The following LRP1B variants were observed in gnomAD, a reference collection of about 807,000 sequenced individuals.
LRP1B encodes LDL receptor related protein 1B.
LRP1B carries 217 observed loss-of-function variants against 556.6 expected under a neutral mutation model. That is an observed-to-expected ratio of 0.39 (90% CI 0.35 to 0.44). The LOEUF (loss-of-function observed/expected upper bound fraction) is 0.44, where lower values mean the gene tolerates loss of function less well. Among genes scored for constraint, LRP1B ranks in the 20% least tolerant of loss-of-function variants. LRP1B has a pLI of 1.00. For synonymous variants in LRP1B, 2,047 were observed against 1,865.8 expected (o/e 1.10, Z -2.50); for missense variants, 5,053 against 5,620.8 (o/e 0.90, Z 3.23).
chr2:140,297,948 G>T lies in LRP1B; in HGVS notation c.12827C>A (p.Ala4276Glu). The T allele has an allele frequency of 6.2e-7, 1 of 1,612,060 alleles. No homozygotes were observed. Among genetic ancestry groups the T allele is most frequent in the Non-Finnish European group, 8.5e-7 (1 of 1,178,414 alleles). Residue 4276 changes from alanine to glutamate, a missense_variant, in exon 84 of 91, where the codon GCA (alanine) becomes GAA (glutamate). This residue lies in a region of LRP1B where 551 missense variants were observed against 592.0 expected (regional missense o/e 0.93). Coordinates refer to ENST00000389484, the MANE Select transcript of LRP1B (RefSeq NM_018557.3). ...ACAGTTTGGCCCAGTGAAACCCAGT[G>T]CACAGCTGCAGGTGGGTCTCCCTAT... ...SVLGRPTCSC[A>E]LGFTGPNCGK...
At chr2:140,291,077 G>A (rs28636459) in intron 84 of LRP1B, among the ~76,000 whole-genome samples, 55,992 of 151,160 alleles carry the variant, frequency 0.37, 11,389 homozygotes, top group African/African-American at 0.53. Flanking sequence ...TCATAGCAAC[G>A]TCTCCGGGAT....
intron 31 of LRP1B, among the ~76,000 whole-genome samples, chr2:140,816,328 G>T (rs1963552): frequency 6.6e-6 from 1 of 151,484 alleles, no homozygotes; most frequent in Non-Finnish European, 1.5e-5. Flanking sequence ...ATGTTGGCCA[G>T]GATGGTCTCG....
chr2:141,717,926 T>C (rs1034420132), intron 2 of LRP1B, among the ~76,000 whole-genome samples: 1 of 151,988 alleles, frequency 6.6e-6, no homozygotes, highest in African/African-American at 2.4e-5. Flanking sequence ...TAGCTGAGAG[T>C]AGAGAAGATG....
At chr2:140,745,319 A>G (rs1481196104) in intron 35 of LRP1B, among the ~76,000 whole-genome samples, 1 of 152,170 alleles carries the variant, frequency 6.6e-6, no homozygotes, top group Non-Finnish European at 1.5e-5. Flanking sequence ...GTCAATATAT[A>G]AGTCCGATTG....
intron 3 of LRP1B, among the ~76,000 whole-genome samples, chr2:141,356,816 T>G (rs1315521264): frequency 6.6e-6 from 1 of 152,118 alleles, no homozygotes; most frequent in Non-Finnish European, 1.5e-5. Flanking sequence ...TGTCAGATAC[T>G]TGTGATTGTA....
chr2:141,848,882 T>C (rs957817946), intron 1 of LRP1B, among the ~76,000 whole-genome samples: 2 of 151,544 alleles, frequency 1.3e-5, no homozygotes, highest in African/African-American at 4.8e-5. Context: ...TTGAGGATTA[T>C]TTTTATTGAT....
In LRP1B at chr2:141,480,550, A is replaced by G; in HGVS notation, c.206-17T>C. The G allele has an allele frequency of 1.2e-6, 2 of 1,613,502 alleles. No homozygotes were observed. The highest frequency in any genetic ancestry group is 1.7e-6 in the Non-Finnish European group (2 of 1,179,524). On this transcript the variant is annotated splice_polypyrimidine_tract_variant and intron_variant, in intron 2 of 90. Transcript: ENST00000389484. ...CCTCGGGACCTGAAAAGATGTAAAA[A>G]AGAACAGAATTATGTGTTAGCTTTT...
Position 141,741,851 on chromosome 2 carries a change from G to A in LRP1B, c.205+68428C>T, listed in dbSNP as rs62168662. ...GTCTCCTGTGCTTGTGGGATATTGCGCAAGAAATCTTTGACAACTCCAATA... is the reference window on the plus strand; with the variant it reads ...GTCTCCTGTGCTTGTGGGATATTGCACAAGAAATCTTTGACAACTCCAATA... On this transcript the variant is annotated intron_variant, in intron 2 of 90. Coordinates refer to ENST00000389484, the MANE Select transcript of LRP1B (RefSeq NM_018557.3). Among the ~76,000 whole-genome samples the A allele has an allele frequency of 4.6e-5, 7 of 152,062 alleles. No homozygotes were observed. In the South Asian group the frequency reaches 6.2e-4, roughly 14 times the overall value.
chr2:140,809,774 T>A (rs1690853214), intron 32 of LRP1B, among the ~76,000 whole-genome samples: 1 of 152,194 alleles, frequency 6.6e-6, no homozygotes, highest in Non-Finnish European at 1.5e-5. Flanking sequence ...GAGGTTACTT[T>A]ATAGCTGTTG....
intron 43 of LRP1B, among the ~76,000 whole-genome samples, chr2:140,555,227 A>AT (rs1475078566): frequency 9.2e-5 from 14 of 151,716 alleles, no homozygotes; most frequent in Admixed American, 9.2e-4. Context: ...CGCTCAGGAA[A>AT]AAAAAAAAAC....
intron 41 of LRP1B, among the ~76,000 whole-genome samples, chr2:140,632,284 A>T (rs897589530): frequency 3.3e-5 from 5 of 152,214 alleles, no homozygotes; most frequent in African/African-American, 9.6e-5. Flanking sequence ...CTGTTTTTTT[A>T]AAATAATAAT....
chr2:140,940,252 T>C (rs966751879), intron 20 of LRP1B, among the ~76,000 whole-genome samples: 7 of 152,106 alleles, frequency 4.6e-5, no homozygotes, highest in African/African-American at 9.7e-5. Flanking sequence ...TATCTAAAGA[T>C]ACTGAACAAT....
intron 24 of LRP1B, 22 bp downstream of exon 24, chr2:140,886,116 A>G (rs753970228): frequency 3.5e-6 from 5 of 1,432,874 alleles, no homozygotes; most frequent in Non-Finnish European, 4.7e-6. Flanking sequence ...CTAAACATTA[A>G]GAAAAATTAT....
Position 141,890,395 on chromosome 2 carries a change from A to G in LRP1B, c.83-79994T>C, listed in dbSNP as rs12612518. Among the ~76,000 whole-genome samples, 305 of 122,484 alleles carry G rather than the reference A, an allele frequency of 2.5e-3. 2 individuals are homozygous for G. The highest frequency in any genetic ancestry group is 4.3e-3 in the South Asian group (19 of 4,396). The allele number at this position is 122,484 out of a possible 152,430, so 80.4% of individuals were successfully genotyped here. On this transcript the variant is annotated intron_variant, in intron 1 of 90. Transcript: ENST00000389484. The stretch of plus-strand genomic sequence containing the variant: ...TATAGTGTGTATACATATATAGTGT[A>G]TATATATATATATACTGAATTGAAA...
At chr2:142,024,985 A>C (rs949109883) in intron 1 of LRP1B, among the ~76,000 whole-genome samples, 18 of 152,202 alleles carry the variant, frequency 1.2e-4, no homozygotes, top group Admixed American at 5.9e-4. Context: ...AGTCTAAAAA[A>C]TTAGTAGTTT....
At chr2:140,935,811 T>G (rs1695185700) in intron 20 of LRP1B, among the ~76,000 whole-genome samples, 2 of 151,880 alleles carry the variant, frequency 1.3e-5, no homozygotes, top group Non-Finnish European at 2.9e-5. Context: ...TATCAACAGA[T>G]TTTTCATTGG....
intron 35 of LRP1B, among the ~76,000 whole-genome samples, chr2:140,747,373 C>G (rs1688352519): frequency 6.6e-6 from 1 of 152,182 alleles, no homozygotes; most frequent in African/African-American, 2.4e-5. Context: ...ATTTCTCCAG[C>G]ATGCGGATTC....
intron 59 of LRP1B, among the ~76,000 whole-genome samples, chr2:140,483,044 G>C (rs1243883931): frequency 6.6e-6 from 1 of 152,110 alleles, no homozygotes. Context: ...CAAGTTGCCT[G>C]ATTTTCTCAC....
intron 63 of LRP1B, among the ~76,000 whole-genome samples, chr2:140,445,398 A>G (rs921718679): frequency 3.0e-4 from 45 of 152,150 alleles, no homozygotes; most frequent in Non-Finnish European, 6.2e-4. Context: ...TACAGGCGTG[A>G]GTCACTGCAC....
Sources: allele counts gnomAD v4.1 joint callset (sites outside exome capture counted in the v4.1 genomes callset), GRCh38; gene constraint gnomAD v4.1.1; regional missense constraint gnomAD v4.1.1; transcripts MANE v1.5; gene names NCBI Gene and HGNC (gene_info 2026-07-23, HGNC 2026-07-21).